Variants in BICC1 observed in about 807,000 individuals in gnomAD.
BICC1 encodes protein bicaudal C homolog 1.
A neutral mutation model predicts 111.0 loss-of-function variants in BICC1; 43 were observed. That is an observed-to-expected ratio of 0.39 (90% CI 0.30 to 0.50). The LOEUF is 0.50. Ranked by LOEUF, BICC1 falls within the 20% of genes least tolerant of loss-of-function variation. The pLI, the probability that BICC1 is intolerant of heterozygous loss-of-function variation, is 0.88. For missense variants in BICC1, 1,091 were observed against 1,203.2 expected, an observed-to-expected ratio of 0.91 and a Z score of 1.38; for synonymous variants, 467 against 434.4, an observed-to-expected ratio of 1.07 and a Z score of -0.93.
chr10:58,812,503 G>C (rs919390537), intron 17 of BICC1, among the ~76,000 whole-genome samples: 1 of 148,452 alleles, frequency 6.7e-6, no homozygotes, highest in South Asian at 2.1e-4. Context: ...TTTTGAGACA[G>C]AGTCTCACTC....
chr10:58,528,369 C>T (rs886556869), intron 1 of BICC1, among the ~76,000 whole-genome samples: 13 of 151,762 alleles, frequency 8.6e-5, no homozygotes, highest in Non-Finnish European at 2.9e-5. Context: ...TTAATTCAAG[C>T]GAGGTTAATG....
intron 3 of BICC1, among the ~76,000 whole-genome samples, chr10:58,761,349 G>A (rs1842311138): frequency 6.6e-6 from 1 of 152,130 alleles, no homozygotes; most frequent in South Asian, 2.1e-4. Flanking sequence ...GCAGTGACAA[G>A]GTTTAAAATC....
At chr10:58,780,965 T>C (rs1842868308) in intron 3 of BICC1, among the ~76,000 whole-genome samples, 1 of 152,106 alleles carries the variant, frequency 6.6e-6, no homozygotes, top group South Asian at 2.1e-4. Flanking sequence ...TGTTCAAAGG[T>C]TTAACATTTT....
rs376414287 is a variant in BICC1 at position 58,690,230 on chromosome 10, C to T, written c.238-11844C>T. Among the ~76,000 whole-genome samples the T allele has an allele frequency of 2.7e-3, 418 of 152,308 alleles. 1 individual carries two copies. Among genetic ancestry groups the T allele is most frequent in the Non-Finnish European group, 4.0e-3 (275 of 68,036 alleles). Reference sequence around the variant, plus strand: ...CCCACCAAATATTCTAATTGCTTTCCGCATTTCCCAGCCACCTTTCAGTTG... The same window carrying T: ...CCCACCAAATATTCTAATTGCTTTCTGCATTTCCCAGCCACCTTTCAGTTG... On this transcript the variant is annotated intron_variant, in intron 2 of 20. Transcript: ENST00000373886.
In BICC1 at chr10:58,689,973, T is replaced by C. The variant is rs150050752; in HGVS notation, c.238-12101T>C. On this transcript the variant is annotated intron_variant, in intron 2 of 20. Transcript: ENST00000373886. ...TGATATAATTCAGGGAAAGGACCTG[T>C]ATGGGATAAGAAGTAATCAAAATTA... 1.1e-3 allele frequency among the ~76,000 whole-genome samples: 161 copies of C among 152,326 alleles called. 1 individual carries two copies. Among genetic ancestry groups the C allele is most frequent in the African/African-American group, 3.8e-3 (159 of 41,572 alleles).
intron 2 of BICC1, among the ~76,000 whole-genome samples, chr10:58,686,685 A>T (rs1025531926): frequency 1.3e-5 from 2 of 152,040 alleles, no homozygotes; most frequent in South Asian, 4.1e-4. Flanking sequence ...TGCATGCGTC[A>T]TGTAGTTCTT....
chr10:58,552,706 G>A (rs1380514357), intron 1 of BICC1, among the ~76,000 whole-genome samples: 1 of 152,112 alleles, frequency 6.6e-6, no homozygotes, highest in Non-Finnish European at 1.5e-5. Context: ...TTGAGTTAAA[G>A]TCCTGTTTCT....
chr10:58,618,297 C>T (rs146167576), intron 1 of BICC1, among the ~76,000 whole-genome samples: 10 of 152,302 alleles, frequency 6.6e-5, no homozygotes, highest in East Asian at 3.9e-4. Context: ...GGCAGACATC[C>T]GGTCTTGCAT....
chr10:58,517,913 A>G (rs752174570), intron 1 of BICC1, among the ~76,000 whole-genome samples: 7 of 152,258 alleles, frequency 4.6e-5, no homozygotes, highest in African/African-American at 7.2e-5. Context: ...TATATTGATC[A>G]TGAAAATCAA....
rs573088418 is a variant in BICC1 at position 58,827,207 on chromosome 10, T to C, written c.2795-1554T>C. On this transcript the variant is annotated intron_variant, in intron 20 of 20. Coordinates refer to ENST00000373886, the MANE Select transcript of BICC1 (RefSeq NM_001080512.3). ...AAGGATTGTTACACATGGTACTTTA[T>C]GGAAAGGATTGTCAAGGTTGTAGAA... Among the ~76,000 whole-genome samples the C allele has an allele frequency of 3.9e-5, 6 of 152,254 alleles. No individual in the cohort carries two copies. In the East Asian group the frequency reaches 1.2e-3, roughly 29 times the overall value.
intron 3 of BICC1, among the ~76,000 whole-genome samples, chr10:58,727,872 AATGC>A (rs1480968729): frequency 1.3e-5 from 2 of 152,218 alleles, no homozygotes; most frequent in African/African-American, 4.8e-5. Context: ...TTAGTTTACC[AATGC>A]ATATAAAAGA....
At chr10:58,790,287 A>T (rs1321687829) in intron 8 of BICC1, among the ~76,000 whole-genome samples, 1 of 152,148 alleles carries the variant, frequency 6.6e-6, no homozygotes, top group African/African-American at 2.4e-5. Context: ...GGCAAAAAAA[A>T]AAAAAGTCCT....
chr10:58,639,092 C>G (rs373380018), intron 2 of BICC1, among the ~76,000 whole-genome samples: 26 of 152,054 alleles, frequency 1.7e-4, no homozygotes, highest in African/African-American at 6.0e-4. Flanking sequence ...GTAAGAACAC[C>G]TAAAATCTAC....
At chr10:58,763,480 T>C (rs907859236) in intron 3 of BICC1, among the ~76,000 whole-genome samples, 5 of 152,114 alleles carry the variant, frequency 3.3e-5, no homozygotes, top group African/African-American at 9.7e-5. Flanking sequence ...GGAATTACTA[T>C]ATTTGAAGGA....
At chr10:58,790,075 A>G (rs774962149) in intron 8 of BICC1, 142 bp downstream of exon 8, 4 of 892,604 alleles carry the variant, frequency 4.5e-6, no homozygotes, top group African/African-American at 1.7e-5. Context: ...GCTAAAAGGA[A>G]ATAAACTGGA....
chr10:58,802,966 C>A, intron 14 of BICC1, 111 bp from the exon 15 acceptor site: 2 of 1,046,364 alleles, frequency 1.9e-6, no homozygotes, highest in Admixed American at 3.4e-5. Flanking sequence ...TGAGAGACTA[C>A]GTGTAAATAG....
intron 2 of BICC1, among the ~76,000 whole-genome samples, chr10:58,672,713 C>G (rs1445989355): frequency 6.6e-6 from 1 of 152,188 alleles, no homozygotes; most frequent in East Asian, 1.9e-4. Flanking sequence ...TAGTCTCACA[C>G]TCACCTTGTT....
At chr10:58,529,778 T>G (rs1842633650) in intron 1 of BICC1, among the ~76,000 whole-genome samples, 1 of 151,834 alleles carries the variant, frequency 6.6e-6, no homozygotes, top group African/African-American at 2.4e-5. Context: ...ACTTATTACG[T>G]ACACAGAAAG....
rs562981538 is a variant in BICC1, at chr10:58,761,215, A to G, written c.308-23786A>G. ...AGTTTGTGTGAAAGTACATGATGCT[A>G]AGATACAGATGAAGGCTACCCCACC... is the stretch of plus-strand genomic sequence containing the variant. On this transcript the variant is annotated intron_variant, in intron 3 of 20. Transcript: ENST00000373886. Among the ~76,000 whole-genome samples the G allele has an allele frequency of 6.6e-5, 10 of 152,310 alleles. No individual in the cohort carries two copies. The South Asian group carries it at 2.1e-3, about 32-fold the overall frequency.
Sources: allele counts gnomAD v4.1 joint callset (sites outside exome capture counted in the v4.1 genomes callset), GRCh38; gene constraint gnomAD v4.1.1; transcripts MANE v1.5; gene names NCBI Gene and HGNC (gene_info 2026-07-23, HGNC 2026-07-21).